PCDH15: variants seen among roughly 807,000 people sequenced by gnomAD.
PCDH15 encodes the protein protocadherin-15.
A neutral mutation model predicts 178.5 loss-of-function variants in PCDH15; 129 were observed. The ratio of observed to expected loss-of-function variants is 0.72; its 90% confidence interval spans 0.63 to 0.84. PCDH15 has a LOEUF of 0.84. Ranked by LOEUF, PCDH15 falls within the 40% of genes least tolerant of loss-of-function variation. The pLI is 0.00. For synonymous variants in PCDH15, 800 were observed against 732.0 expected (o/e 1.09, Z -1.50); for missense variants, 2,230 against 2,099.9 (o/e 1.06, Z -1.21).
At chr10:53,977,382 G>A (rs2090267706) in intron 21 of PCDH15, among the ~76,000 whole-genome samples, 1 of 152,176 alleles carries the variant, frequency 6.6e-6, no homozygotes, top group Admixed American at 6.6e-5. Flanking sequence ...TTTGTGTTGG[G>A]CTGCACTGAA....
intron 8 of PCDH15, among the ~76,000 whole-genome samples, chr10:54,238,674 C>CTCTT (rs2054892370): frequency 7.0e-6 from 1 of 143,202 alleles, no homozygotes; most frequent in Admixed American, 6.8e-5. Context: ...CTCTCTCTCT[C>CTCTT]TCTCACACAC....
At chr10:55,124,184 G>T (rs966287903) in intron 2 of PCDH15, among the ~76,000 whole-genome samples, 2 of 151,946 alleles carry the variant, frequency 1.3e-5, no homozygotes, top group African/African-American at 4.8e-5. Flanking sequence ...TTATTAAAAG[G>T]CTATATATAT....
chr10:54,184,554 A>T (rs1029653710), intron 12 of PCDH15, among the ~76,000 whole-genome samples: 1 of 151,998 alleles, frequency 6.6e-6, no homozygotes, highest in African/African-American at 2.4e-5. Context: ...AGCCTAACCC[A>T]TGATTTATCT....
chr10:55,444,242 C>A lies in PCDH15; in HGVS notation c.-156+183383G>T, dbSNP rs902670421. The stretch of plus-strand genomic sequence containing the variant: ...GGCACGTGTATACCTATGTAACAAA[C>A]CTGCACATTCTGCACATGTACCCCA... On this transcript the variant is annotated intron_variant, in intron 2 of 5. Coordinates refer to the PCDH15 transcript ENST00000613346. Among the ~76,000 whole-genome samples the A allele has an allele frequency of 6.6e-5, 10 of 150,768 alleles. 1 individual carries two copies. Among genetic ancestry groups the A allele is most frequent in the Non-Finnish European group, 1.3e-4 (9 of 67,822 alleles).
intron 3 of PCDH15, among the ~76,000 whole-genome samples, chr10:54,429,172 A>G (rs1956655792): frequency 6.6e-6 from 1 of 152,208 alleles, no homozygotes; most frequent in South Asian, 2.1e-4. Context: ...GCAATAAGTT[A>G]AAAAGCGGGG....
At chr10:54,016,262 G>GA (rs56196057) in intron 20 of PCDH15, among the ~76,000 whole-genome samples, 2,648 of 148,708 alleles carry the variant, frequency 0.018, 67 homozygotes, top group African/African-American at 0.059. Context: ...AAGTAAAAAA[G>GA]AAAAAAAAAA....
At chr10:54,153,015 A>G in intron 14 of PCDH15, 85 bp downstream of exon 14, 6 of 1,447,570 alleles carry the variant, frequency 4.1e-6, no homozygotes, top group Non-Finnish European at 5.7e-6. Context: ...TATAGGATAA[A>G]AGAATACTTG....
chr10:54,346,353 G>C lies in PCDH15; in HGVS notation c.594+12C>G. On this transcript the variant is annotated intron_variant, in intron 6 of 37. Coordinates refer to ENST00000644397, the MANE Select transcript of PCDH15 (RefSeq NM_001384140.1). ...TTTAAGAAAATTACATTGCAAATAG[G>C]TATTTACATACCGGATCATCTGGAT... 1 of 1,610,988 alleles carries C rather than the reference G, an allele frequency of 6.2e-7. No homozygotes were observed. The highest frequency in any genetic ancestry group is 8.5e-7 in the Non-Finnish European group (1 of 1,177,758).
At chr10:55,351,960 A>T (rs1844947739) in intron 2 of PCDH15, among the ~76,000 whole-genome samples, 1 of 152,120 alleles carries the variant, frequency 6.6e-6, no homozygotes, top group African/African-American at 2.4e-5. Context: ...AGAGGCTCTT[A>T]TGTGCCACTT....
At position 54,230,096 on chromosome 10, in the gene PCDH15, T is replaced by C. The variant is rs2134294896; in HGVS notation, c.985+6727A>G. On this transcript the variant is annotated intron_variant, in intron 9 of 37. Transcript: ENST00000644397. ...TTTGATAGCTTTCACTTTTGCCTTC[T>C]TAAAAGGCAGGCATACATGCAATTA... 2.6e-5 allele frequency among the ~76,000 whole-genome samples: 4 copies of C among 152,310 alleles called. No homozygotes were observed. In the Middle Eastern group the frequency reaches 0.014, roughly 518 times the overall value.
chr10:54,537,144 G>T (rs940695099), intron 2 of PCDH15, among the ~76,000 whole-genome samples: 1 of 151,594 alleles, frequency 6.6e-6, no homozygotes. Flanking sequence ...GACTACAGGC[G>T]CCCGCTACCA....
intron 29 of PCDH15, among the ~76,000 whole-genome samples, chr10:53,836,862 A>C (rs1293748055): frequency 6.6e-6 from 1 of 152,210 alleles, no homozygotes; most frequent in African/African-American, 2.4e-5. Context: ...TGATTAATAC[A>C]TTGCAAAATA....
intron 2 of PCDH15, among the ~76,000 whole-genome samples, chr10:55,355,890 G>A (rs908026007): frequency 6.6e-6 from 1 of 151,806 alleles, no homozygotes; most frequent in South Asian, 2.1e-4. Flanking sequence ...TCTTAACCTG[G>A]ATTAACATGC....
intron 8 of PCDH15, among the ~76,000 whole-genome samples, chr10:54,283,727 G>A (rs1295449197): frequency 6.6e-6 from 1 of 152,120 alleles, no homozygotes; most frequent in Non-Finnish European, 1.5e-5. Flanking sequence ...CATTTTCTGT[G>A]AGATAAAATA....
chr10:54,512,359 T>TTGTGTGTGTG (rs200575121), intron 3 of PCDH15, among the ~76,000 whole-genome samples: 12,417 of 133,684 alleles, frequency 0.093, 752 homozygotes, highest in Non-Finnish European at 0.12. Flanking sequence ...ATTTCTGGCA[T>TTGTGTGTGTG]TGTGTGTGTG....
rs1477960508 is a variant in PCDH15, at chr10:53,924,145, C to T, written c.3373+14670G>A. On this transcript the variant is annotated intron_variant, in intron 25 of 37. Coordinates refer to ENST00000644397, the MANE Select transcript of PCDH15 (RefSeq NM_001384140.1). ...AGCCCCTCTCTGGGCTGGCCAAGGC[C>T]GGAGCCAGCTCCCTCTGCTTGCGGG... 6.6e-5 allele frequency among the ~76,000 whole-genome samples: 10 copies of T among 152,252 alleles called. No homozygotes were observed. In the East Asian group the frequency reaches 9.7e-4, roughly 15 times the overall value.
intron 13 of PCDH15, among the ~76,000 whole-genome samples, chr10:54,155,153 A>G (rs2044974745): frequency 6.6e-6 from 1 of 152,230 alleles, no homozygotes; most frequent in African/African-American, 2.4e-5. Flanking sequence ...CAATGCATCA[A>G]GTTAAGAAAA....
At chr10:54,844,870 T>A (rs990578586) in intron 3 of PCDH15, among the ~76,000 whole-genome samples, 1 of 151,836 alleles carries the variant, frequency 6.6e-6, no homozygotes, top group African/African-American at 2.4e-5. Flanking sequence ...TAATGACTTT[T>A]AAAAAAACGT....
intron 1 of PCDH15, among the ~76,000 whole-genome samples, chr10:55,171,549 G>A (rs145376213): frequency 2.0e-4 from 30 of 152,020 alleles, no homozygotes; most frequent in African/African-American, 7.2e-4. Context: ...AAAAAACAAC[G>A]ACATAAAAGA....
Sources: gnomAD v4.1 joint callset for allele counts (sites outside exome capture counted in the v4.1 genomes callset) on GRCh38, gnomAD v4.1.1 for gene constraint, MANE v1.5 for transcripts, NCBI Gene and HGNC (gene_info 2026-07-23, HGNC 2026-07-21) for gene names.